Variants in GATB observed in about 807,000 individuals in gnomAD.
GATB encodes the protein glutamyl-tRNA amidotransferase subunit B, also known as glutamyl-tRNA(Gln) amidotransferase subunit B, mitochondrial.
A neutral mutation model predicts 62.3 loss-of-function variants in GATB; 39 were observed. That is an observed-to-expected ratio of 0.63 (90% CI 0.48 to 0.82). The LOEUF is 0.82. GATB is among the 40% of genes least tolerant of loss of function. The pLI is 0.00. For missense variants in GATB, 670 were observed against 684.0 expected (o/e 0.98, Z 0.23); for synonymous variants, 276 against 258.9 (o/e 1.07, Z -0.63).
In GATB at chr4:151,670,937, G is replaced by A. The variant is rs1737843148; in HGVS notation, c.*237C>T. ...CCTTAACCACTGCTGCAGCCTCACC[G>A]GACCCTCCTGATGTGGATGAAGCAG... On this transcript the variant is annotated 3_prime_UTR_variant, in exon 13 of 13. Coordinates refer to ENST00000263985, the MANE Select transcript of GATB (RefSeq NM_004564.3). 1.6e-5 allele frequency: 8 copies of A among 484,972 alleles called. No individual in the cohort carries two copies. The highest frequency in any genetic ancestry group is 6.1e-5 in the East Asian group (2 of 32,816). 30.0% of individuals were successfully genotyped at this position (484,972 alleles called of 1,614,324 possible).
intron 8 of GATB, among the ~76,000 whole-genome samples, chr4:151,702,732 T>C (rs145557628): frequency 1.3e-5 from 2 of 152,330 alleles, no homozygotes; most frequent in East Asian, 1.9e-4. Flanking sequence ...TGAAACAAGA[T>C]GTCCCTCCCT....
At chr4:151,685,908 CT>C (rs1015611628) in intron 10 of GATB, among the ~76,000 whole-genome samples, 13 of 152,166 alleles carry the variant, frequency 8.5e-5, no homozygotes, top group Non-Finnish European at 1.5e-4. Flanking sequence ...CAAAAATTAG[CT>C]GGGTGTGGTG....
intron 2 of GATB, chr4:151,724,131 A>T (rs1739085623): frequency 6.6e-6 from 1 of 152,238 alleles, no homozygotes; most frequent in African/African-American, 2.4e-5. Flanking sequence ...TCTAGTTTTA[A>T]CATTTATTTA....
At chr4:151,671,528 A>G (rs992550449) in intron 12 of GATB, among the ~76,000 whole-genome samples, 2 of 152,168 alleles carry the variant, frequency 1.3e-5, no homozygotes, top group Non-Finnish European at 2.9e-5. Flanking sequence ...TAAAATGAGC[A>G]AGAAGTGATT....
intron 2 of GATB, among the ~76,000 whole-genome samples, chr4:151,746,424 T>C (rs1371418022): frequency 4.6e-5 from 7 of 152,222 alleles, no homozygotes; most frequent in Non-Finnish European, 7.3e-5. Context: ...TATTGTTAAA[T>C]AGGAAATAAC....
At chr4:151,672,132 ATT>A (rs983071733) in intron 12 of GATB, among the ~76,000 whole-genome samples, 1 of 152,038 alleles carries the variant, frequency 6.6e-6, no homozygotes, top group South Asian at 2.1e-4. Context: ...GATGCCGACA[ATT>A]TTTTTCCCCA....
At chr4:151,750,853 C>T (rs1739708397) in intron 2 of GATB, among the ~76,000 whole-genome samples, 1 of 151,122 alleles carries the variant, frequency 6.6e-6, no homozygotes, top group Non-Finnish European at 1.5e-5. Flanking sequence ...AGGCTGGTCT[C>T]CAACTCCTGG....
At chr4:151,756,520 C>G (rs924671693) in intron 2 of GATB, among the ~76,000 whole-genome samples, 3 of 152,206 alleles carry the variant, frequency 2.0e-5, no homozygotes, top group African/African-American at 7.2e-5. Flanking sequence ...AGAGGTAGAT[C>G]TCCTCTGTCT....
intron 9 of GATB, among the ~76,000 whole-genome samples, chr4:151,700,394 T>C (rs1158463930): frequency 1.3e-5 from 2 of 152,230 alleles, no homozygotes; most frequent in Non-Finnish European, 2.9e-5. Context: ...AGCTGATTTA[T>C]GGATGATGAA....
At chr4:151,738,433 C>T (rs1438607585) in intron 2 of GATB, among the ~76,000 whole-genome samples, 1 of 152,178 alleles carries the variant, frequency 6.6e-6, no homozygotes, top group African/African-American at 2.4e-5. Flanking sequence ...TGTCTGCTGC[C>T]ATATGAGACA....
intron 2 of GATB, among the ~76,000 whole-genome samples, chr4:151,724,950 C>T (rs1445949434): frequency 2.0e-5 from 3 of 152,136 alleles, no homozygotes; most frequent in Admixed American, 1.3e-4. Context: ...GACATAAAAG[C>T]AAATTGTTCT....
chr4:151,696,591 A>G (rs575329294), intron 9 of GATB, among the ~76,000 whole-genome samples: 2 of 152,342 alleles, frequency 1.3e-5, no homozygotes, highest in South Asian at 4.1e-4. Flanking sequence ...TGAACCAAAG[A>G]GGTTACATTT....
intron 2 of GATB, among the ~76,000 whole-genome samples, chr4:151,733,926 A>C (rs1170946489): frequency 6.6e-6 from 1 of 152,148 alleles, no homozygotes; most frequent in Non-Finnish European, 1.5e-5. Flanking sequence ...CCTCAGCAAA[A>C]CTGGCACACA....
chr4:151,693,993 T>C (rs915376744), intron 9 of GATB, among the ~76,000 whole-genome samples: 7 of 152,206 alleles, frequency 4.6e-5, no homozygotes, highest in African/African-American at 1.4e-4. Context: ...GCTAAAAGAC[T>C]ATCTGCACGA....
intron 10 of GATB, among the ~76,000 whole-genome samples, chr4:151,687,880 A>G (rs1404263327): frequency 1.3e-5 from 2 of 152,146 alleles, no homozygotes; most frequent in Non-Finnish European, 2.9e-5. Flanking sequence ...TGGGAAAGAC[A>G]TGTTGCTGAA....
chr4:151,750,447 A>T (rs963454914), intron 2 of GATB, among the ~76,000 whole-genome samples: 6 of 152,154 alleles, frequency 3.9e-5, no homozygotes, highest in Non-Finnish European at 7.3e-5. Context: ...TTAATCTGGA[A>T]AAAAGATAGA....
chr4:151,671,780 G>A (rs1737870488), intron 12 of GATB, among the ~76,000 whole-genome samples: 2 of 152,160 alleles, frequency 1.3e-5, no homozygotes, highest in African/African-American at 4.8e-5. Flanking sequence ...CACACTGGCC[G>A]AGTCTTCCAG....
At chr4:151,673,049 C>G in intron 11 of GATB, 153 bp from the exon 12 acceptor site, 1 of 891,438 alleles carries the variant, frequency 1.1e-6, no homozygotes, top group Non-Finnish European at 1.7e-6. Context: ...GAAAGGGCAC[C>G]TGGCTGCCCT....
intron 11 of GATB, chr4:151,673,127 G>A (rs2126951107): frequency 2.0e-6 from 1 of 499,118 alleles, no homozygotes. Context: ...GCTAGGTGGA[G>A]TGAATGCACC....
Sources: gnomAD v4.1 joint callset for allele counts (sites outside exome capture counted in the v4.1 genomes callset) on GRCh38, gnomAD v4.1.1 for gene constraint, MANE v1.5 for transcripts, NCBI Gene and HGNC (gene_info 2026-07-23, HGNC 2026-07-21) for gene names.